Variants in ACACB observed in about 807,000 individuals in gnomAD.
ACACB encodes acetyl-CoA carboxylase 2.
Under a neutral mutation model 278.8 loss-of-function variants are expected in ACACB, and 209 were observed. The ratio of observed to expected loss-of-function variants is 0.75; its 90% CI spans 0.67 to 0.84. ACACB has a LOEUF of 0.84. Among genes scored for constraint, ACACB ranks in the 40% least tolerant of loss-of-function variants. The pLI is 0.00. For synonymous variants in ACACB, 1,174 were observed against 1,285.6 expected (o/e 0.91, Z 1.86); for missense variants, 2,850 against 3,269.0 (o/e 0.87, Z 3.13).
chr12:109,211,815 C>A (rs976286564), intron 21 of ACACB, among the ~76,000 whole-genome samples: 7 of 152,020 alleles, frequency 4.6e-5, no homozygotes, highest in Admixed American at 4.6e-4. Flanking sequence ...TATATCTGAA[C>A]TAAAAAATAA....
chr12:109,186,415 G>A (rs2044664862), intron 12 of ACACB, among the ~76,000 whole-genome samples: 1 of 152,168 alleles, frequency 6.6e-6, no homozygotes, highest in African/African-American at 2.4e-5. Context: ...GACTCCAAAA[G>A]CCATGCCTAT....
intron 15 of ACACB, among the ~76,000 whole-genome samples, chr12:109,193,082 G>A (rs148979000): frequency 4.6e-5 from 7 of 152,288 alleles, no homozygotes; most frequent in Admixed American, 6.5e-5. Context: ...CCAAGAGACC[G>A]TTATGGATTT....
At chr12:109,264,023 CA>C (rs2136861788) in intron 49 of ACACB, 1 of 578,848 alleles carries the variant, frequency 1.7e-6, no homozygotes, top group Non-Finnish European at 3.0e-6. Context: ...GGGTGGGGGC[CA>C]GGCCAGTGGA....
chr12:109,246,595 T>G lies in ACACB; in HGVS notation c.5571+147T>G, dbSNP rs2046953587. The G allele has an allele frequency of 3.1e-6, 3 of 981,458 alleles. No homozygotes were observed. In the East Asian group the frequency reaches 7.8e-5, roughly 26 times the overall value. The allele number at this position is 981,458 out of a possible 1,614,324, so 60.8% of individuals were successfully genotyped here. On this transcript the variant is annotated intron_variant, in intron 39 of 52. Coordinates refer to ENST00000338432, the MANE Select transcript of ACACB (RefSeq NM_001093.4). ...ATGTAGTGTATAAACAGGCATACAG[T>G]GTATCAGTGATACTAACATTTCACT...
At chr12:109,240,121 C>A in intron 35 of ACACB, 136 bp downstream of exon 35, 1 of 1,042,698 alleles carries the variant, frequency 9.6e-7, no homozygotes, top group South Asian at 1.7e-5. Context: ...TCAGTTGCTG[C>A]GGGAGGAGAG....
chr12:109,145,610 G>A (rs756105887), intron 2 of ACACB, among the ~76,000 whole-genome samples: 22 of 152,082 alleles, frequency 1.4e-4, no homozygotes, highest in South Asian at 4.1e-4. Context: ...GTAACCAGCT[G>A]GAGCACTGAG....
At chr12:109,179,435 G>C in intron 10 of ACACB, 138 bp downstream of exon 10, 1 of 844,812 alleles carries the variant, frequency 1.2e-6, no homozygotes, top group Non-Finnish European at 1.9e-6. Context: ...TTCCAGAGGT[G>C]ATTTCAGCAT....
rs1198270225 is a variant in ACACB at position 109,180,029 on chromosome 12, T to G, written c.1760T>G (p.Val587Gly). The G allele has an allele frequency of 6.2e-7, 1 of 1,613,350 alleles. No individual in the cohort carries two copies. Among genetic ancestry groups the G allele is most frequent in the Admixed American group, 1.7e-5 (1 of 60,026 alleles). Reference sequence around the variant, plus strand: ...TTGGAGCTGAATCCTCGCTTGCAGGTGGAACATCCCTGCACAGAAATGATT... The same window carrying G: ...TTGGAGCTGAATCCTCGCTTGCAGGGGGAACATCCCTGCACAGAAATGATT... ...HFLELNPRLQ[V>G]EHPCTEMIAD... The change falls in exon 11 of 53, where the codon GTG becomes GGG. Residue 587 changes from valine to glycine, a missense_variant. By Grantham distance (109) the Val-to-Gly change is moderately radical (BLOSUM62 -3). Coordinates refer to ENST00000338432, the MANE Select transcript of ACACB (RefSeq NM_001093.4).
At chr12:109,181,623 G>A (rs2044474542) in intron 11 of ACACB, among the ~76,000 whole-genome samples, 1 of 152,210 alleles carries the variant, frequency 6.6e-6, no homozygotes, top group Non-Finnish European at 1.5e-5. Context: ...AAACATGGGA[G>A]TACAGATACT....
intron 1 of ACACB, among the ~76,000 whole-genome samples, chr12:109,128,462 C>G (rs780427275): frequency 3.3e-5 from 5 of 152,070 alleles, no homozygotes; most frequent in Non-Finnish European, 5.9e-5. Context: ...CTCAGCCTCC[C>G]AAGTAGCTGG....
At chr12:109,114,386 T>C (rs2042364138), upstream of ACACB, among the ~76,000 whole-genome samples, 1 of 152,098 alleles carries the variant, frequency 6.6e-6, no homozygotes, top group Non-Finnish European at 1.5e-5. Context: ...CTAGTGCTCC[T>C]CCAGCCTAGA....
In ACACB at chr12:109,185,737, C is replaced by T. The variant is rs185686732; in HGVS notation, c.1977C>T (p.Asp659=). 5.5e-5 allele frequency: 89 copies of T among 1,608,574 alleles called. No homozygotes were observed. Among genetic ancestry groups the T allele is most frequent in the African/African-American group, 3.7e-4 (28 of 74,760 alleles). The change falls in exon 12 of 53, where the codon GAC becomes GAT. Residue 659 remains aspartate (D), a synonymous_variant. Coordinates refer to ENST00000338432, the MANE Select transcript of ACACB (RefSeq NM_001093.4). ...IAARITSENP[D]EGFKPSSGTV... is the part of the protein sequence containing the mutation. ...CCAGAATCACCAGCGAAAACCCAGA[C>T]GAGGCAAGTTATGGGGGCCCCTGTG... is the stretch of plus-strand genomic sequence containing the variant.
chr12:109,129,429 C>T (rs915038900), intron 1 of ACACB, among the ~76,000 whole-genome samples: 2 of 152,152 alleles, frequency 1.3e-5, no homozygotes, highest in Admixed American at 6.5e-5. Context: ...ACACTTGTCG[C>T]GACTTATTAG....
chr12:109,137,053 G>A (rs920741530), intron 1 of ACACB, among the ~76,000 whole-genome samples: 1 of 152,160 alleles, frequency 6.6e-6, no homozygotes, highest in African/African-American at 2.4e-5. Context: ...ATGAAAGGGT[G>A]TTGGATTTTG....
chr12:109,194,179 G>GT lies in ACACB; in HGVS notation c.2481+462dup, dbSNP rs113054401. 2.7e-3 allele frequency among the ~76,000 whole-genome samples: 402 copies of GT among 150,286 alleles called. 1 individual carries two copies. The highest frequency in any genetic ancestry group is 4.1e-3 in the Non-Finnish European group (279 of 67,684). On this transcript the variant is annotated intron_variant, in intron 16 of 52. Transcript: ENST00000338432. ...ATGCCTTGCCCCAGTCTCTGTCTCT[G>GT]TTTTTTTTTTTTGTTGTTGTTGTTG...
intron 28 of ACACB, among the ~76,000 whole-genome samples, chr12:109,232,437 CA>C (rs1442913074): frequency 6.6e-6 from 1 of 152,342 alleles, no homozygotes; most frequent in East Asian, 1.9e-4. Context: ...ATGCATGAAT[CA>C]TTGATTCCTA....
Position 109,166,869 on chromosome 12 carries a change from T to C in ACACB, c.662T>C (p.Met221Thr), listed in dbSNP as rs1397361680. 8 of 1,613,948 alleles carry C rather than the reference T, an allele frequency of 5.0e-6. No individual in the cohort carries two copies. The highest frequency in any genetic ancestry group is 6.8e-6 in the Non-Finnish European group (8 of 1,180,010). ...TCATTCTTATTCTGCAGGCCGAGCA[T>C]GTCGGGACTCCACCTGGTGAAGAGG... is the stretch of plus-strand genomic sequence containing the variant. The part of the protein sequence containing the change: ...ETRVPTMRPS[M>T]SGLHLVKRGR... Residue 221 changes from methionine (M) to threonine (T), a missense_variant, in exon 3 of 53, where the codon ATG becomes ACG. This residue lies in a region of ACACB where 2,265 missense variants were observed against 2,561.3 expected (regional missense o/e 0.88). Coordinates refer to ENST00000338432, the MANE Select transcript of ACACB (RefSeq NM_001093.4).
chr12:109,227,487 C>T lies in ACACB; in HGVS notation c.3999C>T (p.Asn1333=), dbSNP rs552371921. ...FQFMLPSSHP[N]RMTVPISITN... ...TCATGCTGCCGTCCTCCCACCCAAA[C>T]CGGTATGGAGTGGGACACACCCAGG... is the stretch of plus-strand genomic sequence containing the variant. The change falls in exon 28 of 53, where the codon AAC becomes AAT. Residue 1333 remains asparagine (N), a splice_region_variant and synonymous_variant. Transcript: ENST00000338432. The T allele has an allele frequency of 1.7e-5, 27 of 1,613,636 alleles. No homozygotes were observed. In the Admixed American group the frequency reaches 3.2e-4, roughly 19 times the overall value.
At position 109,233,796 on chromosome 12, in the gene ACACB, C is replaced by G. The variant is rs1295029956; in HGVS notation, c.4188C>G (p.Thr1396=). The change falls in exon 30 of 53, where the codon ACC becomes ACG. Residue 1396 remains threonine, a synonymous_variant. Coordinates refer to ENST00000338432, the MANE Select transcript of ACACB (RefSeq NM_001093.4). ...ISCFANVPKD[T]PLFSEARTSL... ...GCTTCGCCAACGTGCCCAAAGACAC[C>G]CCCCTCTTCAGCGAGGCCCGCACCT... 6.2e-7 allele frequency: 1 copy of G among 1,614,182 alleles called. No individual in the cohort carries two copies. The highest frequency in any genetic ancestry group is 8.5e-7 in the Non-Finnish European group (1 of 1,180,038).
Sources: allele counts gnomAD v4.1 joint callset (sites outside exome capture counted in the v4.1 genomes callset), GRCh38; gene constraint gnomAD v4.1.1; regional missense constraint gnomAD v4.1.1; transcripts MANE v1.5; gene names NCBI Gene and HGNC (gene_info 2026-07-23, HGNC 2026-07-21).